The following LSS variants were observed in gnomAD, a reference collection of about 807,000 sequenced individuals.
The protein encoded by LSS is lanosterol synthase.
A neutral mutation model predicts 110.3 loss-of-function variants in LSS; 90 were observed. The ratio of observed to expected loss-of-function variants is 0.82; its 90% CI spans 0.69 to 0.97. The LOEUF is 0.97. Ranked by LOEUF, LSS falls within the 50% of genes least tolerant of loss-of-function variation. The probability of loss-of-function intolerance (pLI) is 0.00; values close to 1 mark genes in which losing one functional copy is unlikely to be tolerated. For missense variants in LSS, 927 were observed against 990.0 expected, an observed-to-expected ratio of 0.94 and a Z score of 0.85; for synonymous variants, 433 against 400.0, an observed-to-expected ratio of 1.08 and a Z score of -0.98.
intron 11 of LSS, among the ~76,000 whole-genome samples, chr21:46,211,320 G>A (rs1163023666): frequency 2.0e-5 from 3 of 152,042 alleles, no homozygotes; most frequent in Non-Finnish European, 2.9e-5. Context: ...TAGTAGCATC[G>A]GGGTTTCACC....
Position 46,207,510 on chromosome 21 carries a change from T to C in LSS, c.1385A>G (p.Lys462Arg), listed in dbSNP as rs1461622751. The change falls in exon 15 of 22, where the codon AAG (lysine) becomes AGG (arginine). Residue 462 changes from lysine (K) to arginine (R), a missense_variant. Transcript: ENST00000397728. The part of the protein sequence containing the change: ...IVSDCTAEAL[K>R]AVLLLQEKCP... ...CTTCTCCTGCAGGAGCAGCACAGCC[T>C]TCAAGGCCTCAGCCGTGCAGTCAGA... 1.2e-6 allele frequency: 2 copies of C among 1,612,438 alleles called. No homozygotes were observed. Among genetic ancestry groups the C allele is most frequent in the East Asian group, 4.5e-5 (2 of 44,854 alleles).
intron 3 of LSS, chr21:46,224,911 T>C (rs1328703493): frequency 6.6e-6 from 1 of 150,774 alleles, no homozygotes; most frequent in African/African-American, 2.4e-5. Flanking sequence ...AGGTCAGGAG[T>C]TCGAGACCAG....
intron 16 of LSS, 96 bp from the exon 17 acceptor site, chr21:46,206,037 T>C: frequency 1.0e-6 from 1 of 955,154 alleles, no homozygotes; most frequent in Non-Finnish European, 1.6e-6. Context: ...AGTGTTGCAG[T>C]GAGCCCGGGC....
chr21:46,222,225 C>T (rs1287345972), intron 4 of LSS: 7 of 559,476 alleles, frequency 1.3e-5, no homozygotes, highest in Non-Finnish European at 2.2e-5. Flanking sequence ...ACGCCTGAGT[C>T]AACACTTCTA....
chr21:46,217,015 G>A (rs2080215448), intron 6 of LSS, among the ~76,000 whole-genome samples: 2 of 152,082 alleles, frequency 1.3e-5, no homozygotes, highest in Admixed American at 6.5e-5. Flanking sequence ...GGGAGGCCGA[G>A]GCTGGTGGAT....
chr21:46,223,617 T>C (rs888742927), intron 3 of LSS, among the ~76,000 whole-genome samples: 1 of 152,242 alleles, frequency 6.6e-6, no homozygotes, highest in Non-Finnish European at 1.5e-5. Context: ...CTTAGAGATA[T>C]ATGAATATCA....
chr21:46,222,838 C>A, intron 3 of LSS, 100 bp from the exon 4 acceptor site: 1 of 835,648 alleles, frequency 1.2e-6, no homozygotes, highest in South Asian at 1.5e-5. Context: ...CAGGGAGCTA[C>A]CTCCTTCTCA....
intron 18 of LSS, 32 bp downstream of exon 18, chr21:46,196,170 A>C: frequency 6.2e-7 from 1 of 1,605,362 alleles, no homozygotes. Context: ...GATCCCGTGC[A>C]TCTCTGCACT....
chr21:46,190,715 G>A lies in LSS; in HGVS notation c.*389C>T, dbSNP rs1011124264. ...GCCGACCCCAGCCCAGAGCCCACTC[G>A]ACACTAAGGAATCACACAGGCACAG... On this transcript the variant is annotated 3_prime_UTR_variant, in exon 22 of 22. Transcript: ENST00000397728. This position sits in a 1 kb window ranked among gnomAD's most constrained non-coding sequence, Gnocchi z 4.6. 2 of 206,692 alleles carry A rather than the reference G, an allele frequency of 9.7e-6. No homozygotes were observed. The highest frequency in any genetic ancestry group is 1.9e-5 in the Non-Finnish European group (2 of 102,890). The allele number at this position is 206,692 out of a possible 1,614,324, so 12.8% of individuals were successfully genotyped here.
rs1445744935 is a variant in LSS, at chr21:46,189,438, T to C, written c.*1666A>G. 3 of 323,466 alleles carry C rather than the reference T, an allele frequency of 9.3e-6. No individual in the cohort carries two copies. The highest frequency in any genetic ancestry group is 1.8e-5 in the Non-Finnish European group (3 of 164,128). The allele number at this position is 323,466 out of a possible 1,614,324, so 20.0% of individuals were successfully genotyped here. A position where few individuals can be genotyped will look rare whatever the true frequency, so the allele number is the denominator to read the frequency against. On this transcript the variant is annotated 3_prime_UTR_variant, in exon 22 of 22. Transcript: ENST00000397728. ...GCGAAAATAAAGCCCAGTTTTAAGA[T>C]GTGCAGGGAAGTGTTGACACTGAAC...
chr21:46,225,471 A>G (rs1004752195), intron 3 of LSS: 63 of 445,296 alleles, frequency 1.4e-4, no homozygotes, highest in African/African-American at 1.2e-3. Flanking sequence ...TCCCCGGGGG[A>G]GTTTAGAGAA....
intron 3 of LSS, among the ~76,000 whole-genome samples, chr21:46,223,055 G>C (rs2080297171): frequency 6.6e-6 from 1 of 152,200 alleles, no homozygotes; most frequent in African/African-American, 2.4e-5. Flanking sequence ...TCCCCCAAGT[G>C]CCCTGAAGGT....
chr21:46,204,451 T>C (rs2080020299), intron 17 of LSS, among the ~76,000 whole-genome samples: 1 of 151,668 alleles, frequency 6.6e-6, no homozygotes, highest in Non-Finnish European at 1.5e-5. Flanking sequence ...AGCGTTGGGC[T>C]CAGAGCCATC....
intron 3 of LSS, among the ~76,000 whole-genome samples, chr21:46,223,416 A>AC (rs1293558902): frequency 1.3e-5 from 2 of 152,098 alleles, no homozygotes; most frequent in Non-Finnish European, 2.9e-5. Context: ...CTCAGGGCAG[A>AC]CCCCAGCCAC....
chr21:46,210,097 C>T (rs1038655590), intron 12 of LSS, among the ~76,000 whole-genome samples: 35 of 136,220 alleles, frequency 2.6e-4, no homozygotes, highest in Non-Finnish European at 9.2e-5. Context: ...GACGGAGCCT[C>T]TCTCTGTCAC....
intron 11 of LSS, among the ~76,000 whole-genome samples, chr21:46,212,403 A>C (rs2080145467): frequency 6.6e-6 from 1 of 152,226 alleles, no homozygotes; most frequent in South Asian, 2.1e-4. Flanking sequence ...ACAGGGCAAC[A>C]CTGTCTGGGC....
At chr21:46,211,478 G>A (rs1017719393) in intron 11 of LSS, among the ~76,000 whole-genome samples, 4 of 152,178 alleles carry the variant, frequency 2.6e-5, no homozygotes, top group African/African-American at 9.7e-5. Context: ...ATTCTGCACA[G>A]GGCTGGGAAG....
chr21:46,208,948 G>A (rs1462408935), intron 13 of LSS, among the ~76,000 whole-genome samples: 3 of 152,230 alleles, frequency 2.0e-5, no homozygotes, highest in African/African-American at 4.8e-5. Context: ...GGGCTGGGGG[G>A]CAGCGGTTCC....
intron 6 of LSS, among the ~76,000 whole-genome samples, chr21:46,219,090 C>T (rs943594222): frequency 1.3e-5 from 2 of 152,180 alleles, no homozygotes; most frequent in African/African-American, 4.8e-5. Flanking sequence ...TCGGGACACA[C>T]TTCACATTCA....
Sources: gnomAD v4.1 joint callset for allele counts (sites outside exome capture counted in the v4.1 genomes callset) on GRCh38, gnomAD v4.1.1 for gene constraint, Gnocchi (gnomAD v3.1) non-coding constraint, MANE v1.5 for transcripts, NCBI Gene and HGNC (gene_info 2026-07-23, HGNC 2026-07-21) for gene names.